The following CACNA2D1 variants were observed in gnomAD, a reference collection of about 807,000 sequenced individuals.
The protein encoded by CACNA2D1 is calcium voltage-gated channel auxiliary subunit alpha2delta 1.
In CACNA2D1, 53 loss-of-function variants were observed where a neutral mutation model predicts 171.5. The ratio of observed to expected loss-of-function variants is 0.31; its 90% CI spans 0.25 to 0.39. The LOEUF is 0.39. Ranked by LOEUF, CACNA2D1 falls within the 10% of genes least tolerant of loss-of-function variation. The pLI is 1.00. For synonymous variants in CACNA2D1, 442 were observed against 443.1 expected, an observed-to-expected ratio of 1.00 and a Z score of 0.03; for missense variants, 903 against 1,299.8, an observed-to-expected ratio of 0.69 and a Z score of 4.69.
chr7:82,161,743 T>C (rs1167006408), intron 4 of CACNA2D1, among the ~76,000 whole-genome samples: 1 of 151,950 alleles, frequency 6.6e-6, no homozygotes, highest in Admixed American at 6.6e-5. Flanking sequence ...GACAGGTAAA[T>C]GAAAACAGCA....
At chr7:82,136,448 G>A (rs577305847) in intron 5 of CACNA2D1, among the ~76,000 whole-genome samples, 187 bp downstream of exon 5, 1 of 151,910 alleles carries the variant, frequency 6.6e-6, no homozygotes, top group East Asian at 1.9e-4. Flanking sequence ...TTTTACTTAG[G>A]AAGATGCCAA....
At chr7:82,226,253 C>A (rs112192357) in intron 3 of CACNA2D1, among the ~76,000 whole-genome samples, 4,574 of 152,244 alleles carry the variant, frequency 0.03, 214 homozygotes, top group African/African-American at 0.1. Context: ...AACATCACCA[C>A]GGCCACCTCT....
At chr7:82,081,190 C>T (rs1337559826) in intron 7 of CACNA2D1, among the ~76,000 whole-genome samples, 1 of 152,134 alleles carries the variant, frequency 6.6e-6, no homozygotes, top group Admixed American at 6.5e-5. Context: ...TACTAAAAGA[C>T]TATTTTTGAC....
At chr7:82,126,331 T>C (rs911889511) in intron 5 of CACNA2D1, among the ~76,000 whole-genome samples, 1 of 152,188 alleles carries the variant, frequency 6.6e-6, no homozygotes, top group Non-Finnish European at 1.5e-5. Context: ...GAGTTTCATG[T>C]AGAAGTATTT....
chr7:81,992,432 A>G (rs754456463), intron 20 of CACNA2D1, among the ~76,000 whole-genome samples: 7 of 152,016 alleles, frequency 4.6e-5, no homozygotes, highest in African/African-American at 7.2e-5. Flanking sequence ...GTGTGTGAGC[A>G]TGTGTGGGGT....
At chr7:82,146,312 G>GTA (rs200174765) in intron 4 of CACNA2D1, among the ~76,000 whole-genome samples, 1 of 79,606 alleles carries the variant, frequency 1.3e-5, no homozygotes, top group Non-Finnish European at 3.1e-5. Flanking sequence ...ATATATATAC[G>GTA]TGTGTGTGTG....
intron 6 of CACNA2D1, among the ~76,000 whole-genome samples, chr7:82,109,710 C>G (rs1447522457): frequency 6.6e-6 from 1 of 152,096 alleles, no homozygotes; most frequent in Non-Finnish European, 1.5e-5. Context: ...AAAAATTGTT[C>G]TGTTTTATTC....
At chr7:82,100,449 T>C (rs1812539038) in intron 6 of CACNA2D1, among the ~76,000 whole-genome samples, 1 of 152,164 alleles carries the variant, frequency 6.6e-6, no homozygotes, top group Non-Finnish European at 1.5e-5. Context: ...TAAAGATGTG[T>C]TCATTAAGAT....
intron 1 of CACNA2D1, among the ~76,000 whole-genome samples, chr7:82,356,348 T>C (rs1260852010): frequency 6.6e-6 from 1 of 152,280 alleles, no homozygotes; most frequent in South Asian, 2.1e-4. Context: ...GCCTTTGCTC[T>C]GTATATAACC....
intron 6 of CACNA2D1, among the ~76,000 whole-genome samples, chr7:82,111,299 T>TTC (rs1788350679): frequency 1.2e-5 from 1 of 80,948 alleles, no homozygotes; most frequent in Non-Finnish European, 2.6e-5. Flanking sequence ...TGGGTATATA[T>TTC]ATATATATAT....
At chr7:82,315,156 G>T (rs1814961903) in intron 3 of CACNA2D1, among the ~76,000 whole-genome samples, 1 of 151,792 alleles carries the variant, frequency 6.6e-6, no homozygotes, top group Non-Finnish European at 1.5e-5. Context: ...ACAAAAAAAA[G>T]GAAATAACGT....
At position 81,950,244 on chromosome 7, in the gene CACNA2D1, G is replaced by A. The variant is rs370508103; in HGVS notation, c.*148C>T. ...GACATGCAGCCAGTGGGTGCCTTAG[G>A]AGTCTGCGCCTTAGTGTTATGCCAT... On this transcript the variant is annotated 3_prime_UTR_variant, in exon 39 of 39. Transcript: ENST00000356860. 27 of 1,415,984 alleles carry A rather than the reference G, an allele frequency of 1.9e-5. No homozygotes were observed. The East Asian group carries it at 5.3e-4, about 28-fold the overall frequency. The allele number at this position is 1,415,984 out of a possible 1,614,324, so 87.7% of individuals were successfully genotyped here. A position where few individuals can be genotyped will look rare whatever the true frequency, so the allele number is the denominator to read the frequency against.
At chr7:82,196,932 G>A (rs1159922599) in intron 3 of CACNA2D1, among the ~76,000 whole-genome samples, 1 of 151,782 alleles carries the variant, frequency 6.6e-6, no homozygotes, top group African/African-American at 2.4e-5. Context: ...GGGGAATTGA[G>A]CAAGGGAATT....
intron 21 of CACNA2D1, among the ~76,000 whole-genome samples, chr7:81,985,085 T>TG (rs1170561329): frequency 6.6e-6 from 1 of 151,862 alleles, no homozygotes; most frequent in Admixed American, 6.6e-5. Context: ...ACAAGGTAAA[T>TG]ACATAATACC....
At chr7:82,248,751 T>A (rs533257882) in intron 3 of CACNA2D1, among the ~76,000 whole-genome samples, 2 of 152,132 alleles carry the variant, frequency 1.3e-5, no homozygotes, top group East Asian at 3.9e-4. Context: ...GAATAGATGG[T>A]TCTTTGGACA....
At chr7:82,386,100 A>T (rs1323935378) in intron 1 of CACNA2D1, among the ~76,000 whole-genome samples, 2 of 152,184 alleles carry the variant, frequency 1.3e-5, no homozygotes, top group African/African-American at 4.8e-5. Flanking sequence ...ATGACTATGC[A>T]TTCTTGGAAT....
At chr7:82,270,172 A>C (rs904043603) in intron 3 of CACNA2D1, among the ~76,000 whole-genome samples, 2 of 152,054 alleles carry the variant, frequency 1.3e-5, no homozygotes, top group Non-Finnish European at 2.9e-5. Context: ...ATGCACTGTT[A>C]ATCTTTGTTT....
At chr7:82,002,693 A>G (rs1033127621) in intron 18 of CACNA2D1, among the ~76,000 whole-genome samples, 6 of 152,160 alleles carry the variant, frequency 3.9e-5, no homozygotes, top group Admixed American at 1.3e-4. Context: ...ATGACACAAA[A>G]CGGAAGAAAG....
At chr7:82,270,663 A>C (rs776006420) in intron 3 of CACNA2D1, among the ~76,000 whole-genome samples, 3 of 152,110 alleles carry the variant, frequency 2.0e-5, no homozygotes, top group Non-Finnish European at 2.9e-5. Flanking sequence ...GGATATCCAC[A>C]CATCTAATGT....
Sources: gnomAD v4.1 joint callset for allele counts (sites outside exome capture counted in the v4.1 genomes callset) on GRCh38, gnomAD v4.1.1 for gene constraint, MANE v1.5 for transcripts, NCBI Gene and HGNC (gene_info 2026-07-23, HGNC 2026-07-21) for gene names.